C9: variants seen among roughly 807,000 people sequenced by gnomAD.
C9 encodes complement C9.
A neutral mutation model predicts 65.4 loss-of-function variants in C9; 63 were observed. The observed-to-expected ratio is 0.96, with a 90% CI of 0.79 to 1.19. The LOEUF is 1.19. C9 is among the 50% of genes most tolerant of loss of function. C9 has a pLI of 0.00. For synonymous variants in C9, 229 were observed against 227.9 expected (o/e 1.00, Z -0.04); for missense variants, 744 against 670.1 (o/e 1.11, Z -1.22).
rs757148376 is a variant in C9 at position 39,341,681 on chromosome 5, T to C, written c.203A>G (p.Glu68Gly). 1 of 1,614,120 alleles carries C rather than the reference T, an allele frequency of 6.2e-7. No homozygotes were observed. The highest frequency in any genetic ancestry group is 8.5e-7 in the Non-Finnish European group (1 of 1,179,934). ...TTTCCCATTAAATTGTCCAAAGACC[T>C]CAATGCTTCTTGAACGAAACTGCAC... ...LRQMFRSRSIEVFGQFNGKRC... is the reference protein window; with the variant it reads ...LRQMFRSRSIGVFGQFNGKRC... Residue 68 changes from glutamate to glycine, a missense_variant, in exon 3 of 11, where the codon GAG (glutamate) becomes GGG (glycine). Physicochemically the swap from Glu to Gly is moderately conservative, Grantham distance 98. Coordinates refer to ENST00000263408, the MANE Select transcript of C9 (RefSeq NM_001737.5).
chr5:39,297,763 C>T (rs767059915), intron 9 of C9, among the ~76,000 whole-genome samples: 24 of 151,590 alleles, frequency 1.6e-4, no homozygotes, highest in African/African-American at 2.2e-4. Flanking sequence ...TATACCTAGA[C>T]ATTTCAAAGT....
chr5:39,352,096 G>A (rs940045635), intron 1 of C9, among the ~76,000 whole-genome samples: 1 of 152,166 alleles, frequency 6.6e-6, no homozygotes, highest in African/African-American at 2.4e-5. Flanking sequence ...GGGGAAGCAA[G>A]CACATCTTCA....
At chr5:39,352,067 A>G (rs1047526766) in intron 1 of C9, among the ~76,000 whole-genome samples, 5 of 152,168 alleles carry the variant, frequency 3.3e-5, no homozygotes, top group African/African-American at 1.2e-4. Context: ...AGGAAACCCA[A>G]TCATGGTGGA....
chr5:39,324,968 A>G (rs1579859259), intron 5 of C9, among the ~76,000 whole-genome samples: 1 of 152,188 alleles, frequency 6.6e-6, no homozygotes, highest in South Asian at 2.1e-4. Context: ...ATTTGTTCAT[A>G]TAATACTCCT....
chr5:39,361,316 C>A (rs923677151), intron 1 of C9, among the ~76,000 whole-genome samples: 2 of 152,100 alleles, frequency 1.3e-5, no homozygotes, highest in Non-Finnish European at 2.9e-5. Flanking sequence ...TTTTTAAACT[C>A]TTTATATATA....
intron 5 of C9, 40 bp downstream of exon 5, chr5:39,331,636 C>G: frequency 1.2e-6 from 2 of 1,600,128 alleles, no homozygotes; most frequent in Non-Finnish European, 1.7e-6. Context: ...AATTTTTCAG[C>G]CAAAAGTTGA....
chr5:39,331,909 A>C, intron 4 of C9, 95 bp from the exon 5 acceptor site: 1 of 1,020,122 alleles, frequency 9.8e-7, no homozygotes, highest in Non-Finnish European at 1.6e-6. Flanking sequence ...GCTTCAGTTC[A>C]TGTCACCGTC....
intron 1 of C9, among the ~76,000 whole-genome samples, chr5:39,350,294 A>G (rs1400908026): frequency 1.3e-5 from 2 of 152,186 alleles, no homozygotes; most frequent in Admixed American, 6.5e-5. Context: ...CTCCTCCTTG[A>G]ACATGTGGGG....
chr5:39,345,256 G>T lies in C9; in HGVS notation c.78-3060C>A, dbSNP rs530171293. On this transcript the variant is annotated intron_variant, in intron 1 of 10. Coordinates refer to ENST00000263408, the MANE Select transcript of C9 (RefSeq NM_001737.5). Reference sequence around the variant, plus strand: ...TTGGATAAAGAGTAAAGACCCATCAGTGTGCTGTATTCAGGAGACCCATCT... The same window carrying T: ...TTGGATAAAGAGTAAAGACCCATCATTGTGCTGTATTCAGGAGACCCATCT... 3.3e-5 allele frequency among the ~76,000 whole-genome samples: 5 copies of T among 152,308 alleles called. No individual in the cohort carries two copies. The East Asian group carries it at 9.6e-4, about 29-fold the overall frequency.
rs760614586 is a variant in C9, at chr5:39,341,257, T to A, written c.365A>T (p.Asp122Val). The change falls in exon 4 of 11, where the codon GAC (aspartate) becomes GTC (valine). Residue 122 changes from aspartate (D) to valine (V), a missense_variant. Physicochemically the swap from Asp to Val is radical, Grantham distance 152 (BLOSUM62 -3). Transcript: ENST00000263408. ...CIKMRLRCNG[D>V]NDCGDFSDED... ...ATCTGAAAAGTCTCCGCAGTCATTG[T>A]CACCATTACACCGAAGTCGCATCTT... The A allele has an allele frequency of 6.2e-7, 1 of 1,614,076 alleles. No homozygotes were observed. Among genetic ancestry groups the A allele is most frequent in the African/African-American group, 1.3e-5 (1 of 74,940 alleles).
intron 10 of C9, among the ~76,000 whole-genome samples, chr5:39,288,387 T>A (rs1416429538): frequency 6.6e-6 from 1 of 151,852 alleles, no homozygotes; most frequent in African/African-American, 2.4e-5. Flanking sequence ...AAAGTGTATA[T>A]GATATATATG....
At chr5:39,344,452 T>C (rs999882154) in intron 1 of C9, among the ~76,000 whole-genome samples, 3 of 151,990 alleles carry the variant, frequency 2.0e-5, no homozygotes, top group African/African-American at 7.3e-5. Context: ...TGAAATGAAG[T>C]GAGAAGAGAA....
chr5:39,334,819 C>T (rs1753931259), intron 4 of C9, among the ~76,000 whole-genome samples: 2 of 152,120 alleles, frequency 1.3e-5, no homozygotes, highest in Non-Finnish European at 1.5e-5. Context: ...GGGAGGTGTG[C>T]CCAGCAGCTC....
intron 1 of C9, among the ~76,000 whole-genome samples, chr5:39,348,347 A>G (rs1754249313): frequency 6.6e-6 from 1 of 152,232 alleles, no homozygotes; most frequent in Non-Finnish European, 1.5e-5. Context: ...AACCCCATCA[A>G]AAAGTGGGCA....
chr5:39,286,469 A>G (rs1752992845), intron 10 of C9, among the ~76,000 whole-genome samples: 1 of 152,078 alleles, frequency 6.6e-6, no homozygotes, highest in Admixed American at 6.6e-5. Flanking sequence ...CCAGTAGACT[A>G]GACAACAGAA....
chr5:39,306,570 T>TA (rs936836901), intron 9 of C9, 47 bp downstream of exon 9: 12 of 1,437,474 alleles, frequency 8.3e-6, no homozygotes, highest in South Asian at 4.6e-5. Flanking sequence ...TGACATTTAA[T>TA]AAAAAAATGA....
At chr5:39,330,953 G>A (rs1753828158) in intron 5 of C9, among the ~76,000 whole-genome samples, 1 of 152,206 alleles carries the variant, frequency 6.6e-6, no homozygotes, top group Non-Finnish European at 1.5e-5. Flanking sequence ...AACTGAATAA[G>A]GCAGACCTTG....
intron 1 of C9, among the ~76,000 whole-genome samples, chr5:39,345,702 C>T (rs1416766887): frequency 1.3e-5 from 2 of 152,206 alleles, no homozygotes; most frequent in Admixed American, 1.3e-4. Context: ...CTTTCCACCC[C>T]AAATCAACAG....
At chr5:39,318,772 A>C (rs1405377947) in intron 5 of C9, among the ~76,000 whole-genome samples, 1 of 152,142 alleles carries the variant, frequency 6.6e-6, no homozygotes, top group Non-Finnish European at 1.5e-5. Context: ...CTGTCTCATG[A>C]AAAGACTGAA....
Sources: allele counts gnomAD v4.1 joint callset (sites outside exome capture counted in the v4.1 genomes callset), GRCh38; gene constraint gnomAD v4.1.1; transcripts MANE v1.5; gene names NCBI Gene and HGNC (gene_info 2026-07-23, HGNC 2026-07-21).